The following GRIK4 variants were observed in gnomAD, a reference collection of about 807,000 sequenced individuals.
GRIK4 encodes the protein glutamate ionotropic receptor kainate type subunit 4.
GRIK4 carries 40 observed loss-of-function variants against 104.9 expected under a neutral mutation model. The ratio of observed to expected loss-of-function variants is 0.38; its 90% CI spans 0.30 to 0.50. GRIK4 has a LOEUF of 0.50. Among genes scored for constraint, GRIK4 ranks in the 20% least tolerant of loss-of-function variants. GRIK4 has a pLI of 0.93. For synonymous variants in GRIK4, 485 were observed against 524.9 expected, an observed-to-expected ratio of 0.92 and a Z score of 1.04; for missense variants, 1,047 against 1,308.1, an observed-to-expected ratio of 0.80 and a Z score of 3.08.
chr11:120,954,862 T>C (rs1372942816), intron 15 of GRIK4, among the ~76,000 whole-genome samples: 1 of 148,530 alleles, frequency 6.7e-6, no homozygotes, highest in Non-Finnish European at 1.5e-5. Flanking sequence ...TATTCTGTCT[T>C]AAGGTAGTGA....
chr11:120,582,847 G>T (rs947750287), intron 1 of GRIK4, among the ~76,000 whole-genome samples: 1 of 152,188 alleles, frequency 6.6e-6, no homozygotes, highest in African/African-American at 2.4e-5. Flanking sequence ...CTTTATGGTA[G>T]AAAAATGTAT....
chr11:120,795,063 C>CT (rs1297322694), intron 3 of GRIK4, among the ~76,000 whole-genome samples: 2 of 152,136 alleles, frequency 1.3e-5, no homozygotes, highest in Non-Finnish European at 2.9e-5. Context: ...AAGGTGCAAA[C>CT]TGTCACTTTT....
intron 3 of GRIK4, among the ~76,000 whole-genome samples, chr11:120,745,210 G>A (rs1951418153): frequency 6.6e-6 from 1 of 152,190 alleles, no homozygotes; most frequent in African/African-American, 2.4e-5. Flanking sequence ...AGAGTCCACT[G>A]GACATCTTCT....
At chr11:120,932,157 A>T (rs1294880405) in intron 13 of GRIK4, among the ~76,000 whole-genome samples, 5 of 138,016 alleles carry the variant, frequency 3.6e-5, no homozygotes, top group South Asian at 2.3e-4. Context: ...CAATTTTACA[A>T]TTTTTTTTTT....
intron 13 of GRIK4, among the ~76,000 whole-genome samples, chr11:120,913,375 A>T (rs1184765540): frequency 2.0e-5 from 3 of 151,930 alleles, no homozygotes; most frequent in African/African-American, 7.3e-5. Context: ...CTGTAAAGTG[A>T]CAGAACCAGA....
In GRIK4 at chr11:120,595,263, G is replaced by A. The variant is rs186233398; in HGVS notation, c.-158-58422G>A. Among the ~76,000 whole-genome samples the A allele has an allele frequency of 1.1e-4, 16 of 152,298 alleles. No individual in the cohort carries two copies. The East Asian group carries it at 1.7e-3, about 17-fold the overall frequency. Reference sequence around the variant, plus strand: ...ATTCCCTCTGTTTGGAGCACTCTTCGTCCTGCTTTTCACACATCCTTTAAG... The same window carrying A: ...ATTCCCTCTGTTTGGAGCACTCTTCATCCTGCTTTTCACACATCCTTTAAG... On this transcript the variant is annotated intron_variant, in intron 1 of 20. Coordinates refer to ENST00000527524, the MANE Select transcript of GRIK4 (RefSeq NM_014619.5).
At chr11:120,784,332 A>C (rs1007216161) in intron 3 of GRIK4, among the ~76,000 whole-genome samples, 4 of 152,202 alleles carry the variant, frequency 2.6e-5, no homozygotes, top group African/African-American at 9.7e-5. Context: ...ATCTCCTGGG[A>C]AAAGAGACAG....
intron 3 of GRIK4, among the ~76,000 whole-genome samples, chr11:120,772,099 G>A (rs1477967429): frequency 4.6e-5 from 7 of 152,296 alleles, no homozygotes; most frequent in African/African-American, 1.7e-4. Flanking sequence ...AGAGCCTTGT[G>A]GGCTCAGCCT....
intron 3 of GRIK4, among the ~76,000 whole-genome samples, chr11:120,693,643 G>A (rs1217998284): frequency 1.3e-5 from 2 of 152,188 alleles, no homozygotes; most frequent in Non-Finnish European, 2.9e-5. Context: ...ACATAGAAAA[G>A]GTAAGGAGGC....
At chr11:120,857,202 GCCTGT>G (rs1307974051) in intron 8 of GRIK4, among the ~76,000 whole-genome samples, 7 of 152,174 alleles carry the variant, frequency 4.6e-5, no homozygotes, top group African/African-American at 1.7e-4. Context: ...CCCACTCAGA[GCCTGT>G]CCTTGCTCCC....
intron 3 of GRIK4, among the ~76,000 whole-genome samples, chr11:120,788,996 C>T (rs1055919989): frequency 1.3e-5 from 2 of 152,054 alleles, no homozygotes; most frequent in African/African-American, 4.8e-5. Context: ...CTTCTGTTCT[C>T]CTTAGATCCT....
chr11:120,934,842 T>TCAC (rs1361469271), intron 13 of GRIK4, among the ~76,000 whole-genome samples: 1 of 152,172 alleles, frequency 6.6e-6, no homozygotes, highest in African/African-American at 2.4e-5. Context: ...CTGCTTCCCT[T>TCAC]CACCTGTCCT....
At chr11:120,744,126 A>C (rs1951390786) in intron 3 of GRIK4, among the ~76,000 whole-genome samples, 1 of 152,126 alleles carries the variant, frequency 6.6e-6, no homozygotes, top group South Asian at 2.1e-4. Context: ...CTTTGCAGTG[A>C]TAGAGTCTTT....
At chr11:120,857,988 A>G (rs1192831891) in intron 8 of GRIK4, among the ~76,000 whole-genome samples, 3 of 152,134 alleles carry the variant, frequency 2.0e-5, no homozygotes, top group African/African-American at 4.8e-5. Flanking sequence ...ACCAGGTCCC[A>G]TTTGCTCTGT....
At chr11:120,515,133 G>A (rs984316792) in intron 1 of GRIK4, 12 of 432,700 alleles carry the variant, frequency 2.8e-5, no homozygotes, top group Non-Finnish European at 4.7e-5. Context: ...CCCCTCCCCT[G>A]GCCACCCAGC....
At chr11:120,640,492 C>G (rs1357818413) in intron 1 of GRIK4, among the ~76,000 whole-genome samples, 1 of 152,038 alleles carries the variant, frequency 6.6e-6, no homozygotes, top group African/African-American at 2.4e-5. Context: ...TTAATTAATG[C>G]CCATTTGAAT....
At chr11:120,926,842 T>C (rs1035090377) in intron 13 of GRIK4, among the ~76,000 whole-genome samples, 6 of 152,158 alleles carry the variant, frequency 3.9e-5, no homozygotes, top group African/African-American at 1.4e-4. Context: ...GGTAAACTGG[T>C]AAATAAACAA....
Position 120,956,910 on chromosome 11 carries a change from A to G in GRIK4, c.1831A>G (p.Ile611Val), listed in dbSNP as rs1944166579. 6.2e-7 allele frequency: 1 copy of G among 1,613,688 alleles called. No homozygotes were observed. Residue 611 changes from isoleucine to valine, a missense_variant, in exon 16 of 21, where the codon ATC (isoleucine) becomes GTC (valine). Coordinates refer to ENST00000527524, the MANE Select transcript of GRIK4 (RefSeq NM_014619.5). This position sits in a 1 kb window ranked among gnomAD's most constrained non-coding sequence, Gnocchi z 4.6. ...GGGGTTCATGCAGCAAGGCTCCACC[A>G]TCGCCCCTCGCGCCTTATCCACCCG... ...VGGFMQQGST[I>V]APRALSTRCV...
chr11:120,556,544 C>T (rs1231579898), intron 1 of GRIK4, among the ~76,000 whole-genome samples: 2 of 152,120 alleles, frequency 1.3e-5, no homozygotes, highest in South Asian at 4.2e-4. Flanking sequence ...CAGAGGGGTG[C>T]GTTTAGGGTT....
Sources: allele counts gnomAD v4.1 joint callset (sites outside exome capture counted in the v4.1 genomes callset), GRCh38; gene constraint gnomAD v4.1.1; non-coding constraint Gnocchi (gnomAD v3.1); transcripts MANE v1.5; gene names NCBI Gene and HGNC (gene_info 2026-07-23, HGNC 2026-07-21).